MEIKIN: variants seen among roughly 807,000 people sequenced by gnomAD.
The protein encoded by MEIKIN is meiosis-specific kinetochore protein.
Position 131,945,210 on chromosome 5 carries a change from A to G in MEIKIN, c.146T>C (p.Ile49Thr). The G allele has an allele frequency of 2.5e-6, 1 of 399,246 alleles. No homozygotes were observed. Among genetic ancestry groups the G allele is most frequent in the East Asian group, 3.6e-5 (1 of 28,082 alleles). 24.7% of individuals were successfully genotyped at this position (399,246 alleles called of 1,614,324 possible). ...RKGKVHGLSK[I>T]AEKAERSRQG... is the part of the protein sequence containing the mutation. ...CCTGCTCCGCTCTGCTTTCTCTGCA[A>G]TCTTCGACAAGCCGTGCACTTTGCC... The change falls in exon 2 of 13, where the codon ATT becomes ACT. Residue 49 changes from isoleucine (I) to threonine (T), a missense_variant. Transcript: ENST00000442687.
intron 4 of MEIKIN, among the ~76,000 whole-genome samples, chr5:131,937,314 T>C (rs1185489289): frequency 1.3e-5 from 2 of 152,206 alleles, no homozygotes; most frequent in African/African-American, 2.4e-5. Context: ...ACTGATTTAA[T>C]TTTTTGATGT....
At chr5:131,865,896 G>A (rs1215759012) in intron 9 of MEIKIN, among the ~76,000 whole-genome samples, 1 of 152,244 alleles carries the variant, frequency 6.6e-6, no homozygotes, top group Non-Finnish European at 1.5e-5. Flanking sequence ...ATGCCAAGTA[G>A]ACTGGTCTTC....
intron 8 of MEIKIN, among the ~76,000 whole-genome samples, chr5:131,880,349 C>T (rs1181419077): frequency 8.7e-5 from 13 of 149,488 alleles, no homozygotes; most frequent in African/African-American, 2.7e-4. Context: ...GTGATCTGCC[C>T]GCCTCGGCCT....
chr5:131,810,277 T>G (rs986795724), intron 12 of MEIKIN, among the ~76,000 whole-genome samples: 1 of 152,230 alleles, frequency 6.6e-6, no homozygotes, highest in Non-Finnish European at 1.5e-5. Context: ...TAGACTGAGA[T>G]ATGAATTCAT....
At chr5:131,868,851 AG>A (rs1333333756) in intron 9 of MEIKIN, among the ~76,000 whole-genome samples, 1 of 152,178 alleles carries the variant, frequency 6.6e-6, no homozygotes, top group Admixed American at 6.5e-5. Context: ...TTGAATTTTA[AG>A]GCTTCTTTGT....
chr5:131,917,426 C>T (rs1039466719), intron 6 of MEIKIN, among the ~76,000 whole-genome samples: 2 of 151,808 alleles, frequency 1.3e-5, no homozygotes, highest in East Asian at 1.9e-4. Flanking sequence ...ATTAGCCGGC[C>T]GTGGCAGCAT....
chr5:131,874,607 T>C (rs1750576467), intron 9 of MEIKIN, among the ~76,000 whole-genome samples: 1 of 152,056 alleles, frequency 6.6e-6, no homozygotes, highest in African/African-American at 2.4e-5. Flanking sequence ...ACTATTCCAA[T>C]CAATAGAAAA....
intron 9 of MEIKIN, among the ~76,000 whole-genome samples, chr5:131,861,560 CCATT>C (rs1288806412): frequency 1.3e-5 from 2 of 152,108 alleles, no homozygotes; most frequent in Non-Finnish European, 2.9e-5. Context: ...CAACTTTTCC[CCATT>C]CAGTCTGATG....
intron 5 of MEIKIN, among the ~76,000 whole-genome samples, chr5:131,925,618 T>C (rs921922083): frequency 6.6e-6 from 1 of 152,222 alleles, no homozygotes; most frequent in Non-Finnish European, 1.5e-5. Context: ...TTTTATAATC[T>C]ACAATTTTAC....
At chr5:131,922,597 A>T (rs531331391) in intron 5 of MEIKIN, among the ~76,000 whole-genome samples, 181 of 152,260 alleles carry the variant, frequency 1.2e-3, no homozygotes, top group African/African-American at 4.3e-3. Context: ...ACCCCCATGG[A>T]TACCAAGGGA....
At chr5:131,866,185 C>T (rs757092047) in intron 9 of MEIKIN, among the ~76,000 whole-genome samples, 1 of 152,172 alleles carries the variant, frequency 6.6e-6, no homozygotes. Context: ...ATGGGTTGGG[C>T]AGGCTGGTTT....
intron 11 of MEIKIN, among the ~76,000 whole-genome samples, chr5:131,846,546 G>A (rs1346569711): frequency 6.6e-6 from 1 of 152,172 alleles, no homozygotes. Context: ...GTGTTTAAAA[G>A]TATTATTGAC....
rs559207276 is a variant in MEIKIN, at chr5:131,893,784, G to T, written c.704-14736C>A. Among the ~76,000 whole-genome samples the T allele has an allele frequency of 2.6e-5, 4 of 152,192 alleles. No homozygotes were observed. In the South Asian group the frequency reaches 8.3e-4, roughly 32 times the overall value. On this transcript the variant is annotated intron_variant, in intron 8 of 12. Transcript: ENST00000442687. ...TGCAGATTCAGGATATTAGCCCTTT[G>T]TCAGATAAGTAGAGTGCAAAAATTT...
intron 6 of MEIKIN, among the ~76,000 whole-genome samples, chr5:131,920,710 T>G (rs2149647345): frequency 6.6e-6 from 1 of 152,120 alleles, no homozygotes; most frequent in East Asian, 1.9e-4. Flanking sequence ...TTTTTTTTTT[T>G]TTGAGAAGAT....
At chr5:131,867,631 A>T (rs1308740566) in intron 9 of MEIKIN, among the ~76,000 whole-genome samples, 2 of 152,226 alleles carry the variant, frequency 1.3e-5, no homozygotes, top group Non-Finnish European at 2.9e-5. Flanking sequence ...CACAGTATGT[A>T]GCCTTTTCAG....
At position 131,907,057 on chromosome 5, in the gene MEIKIN, A is replaced by C. The variant is rs189191626; in HGVS notation, c.703+4758T>G. ...CGAGGAATTTTGGAAACTAACAAAC[A>C]CATGAAAATTAAACAATATGCTCCT... On this transcript the variant is annotated intron_variant, in intron 8 of 12. Coordinates refer to ENST00000442687, the MANE Select transcript of MEIKIN (RefSeq NM_001303622.2). Among the ~76,000 whole-genome samples the C allele has an allele frequency of 4.6e-5, 7 of 152,330 alleles. No homozygotes were observed. In the East Asian group the frequency reaches 1.4e-3, roughly 29 times the overall value.
intron 8 of MEIKIN, among the ~76,000 whole-genome samples, chr5:131,891,869 G>A (rs937222175): frequency 3.4e-4 from 51 of 152,204 alleles, no homozygotes; most frequent in East Asian, 3.9e-4. Flanking sequence ...GTTCTTTTCC[G>A]TGTTCAGTGC....
intron 5 of MEIKIN, among the ~76,000 whole-genome samples, chr5:131,927,280 G>A (rs1751602443): frequency 6.6e-6 from 1 of 152,106 alleles, no homozygotes. Flanking sequence ...GAATTTTCCA[G>A]TATTCCTTCT....
At chr5:131,942,256 A>T (rs1036699991) in intron 4 of MEIKIN, among the ~76,000 whole-genome samples, 1 of 152,224 alleles carries the variant, frequency 6.6e-6, no homozygotes, top group Non-Finnish European at 1.5e-5. Flanking sequence ...TACTCAATAC[A>T]TAATGCTCAG....
Sources: gnomAD v4.1 joint callset for allele counts (sites outside exome capture counted in the v4.1 genomes callset) on GRCh38, gnomAD v4.1.1 for gene constraint, MANE v1.5 for transcripts, NCBI Gene and HGNC (gene_info 2026-07-23, HGNC 2026-07-21) for gene names.